The following SLC6A6 variants were observed in gnomAD, a reference collection of about 807,000 sequenced individuals.
The protein encoded by SLC6A6 is solute carrier family 6 member 6.
A neutral mutation model predicts 68.8 loss-of-function variants in SLC6A6; 16 were observed. That is an observed-to-expected ratio of 0.23 (90% confidence interval 0.16 to 0.35). The LOEUF is 0.35. SLC6A6 is among the 10% of genes least tolerant of loss of function. The pLI is 1.00. For synonymous variants in SLC6A6, 312 were observed against 315.4 expected, an observed-to-expected ratio of 0.99 and a Z score of 0.12; for missense variants, 474 against 802.8, an observed-to-expected ratio of 0.59 and a Z score of 4.95.
intron 2 of SLC6A6, 67 bp from the exon 3 acceptor site, chr3:14,443,557 G>A: frequency 8.9e-7 from 1 of 1,127,564 alleles, no homozygotes; most frequent in East Asian, 2.4e-5. Context: ...AGGAAGCAGA[G>A]ATTGTGTCTG....
chr3:14,421,557 A>G (rs1699485923), intron 2 of SLC6A6, among the ~76,000 whole-genome samples: 2 of 152,202 alleles, frequency 1.3e-5, no homozygotes, highest in South Asian at 4.1e-4. Flanking sequence ...TCTTCAATAA[A>G]TGAAGTTAAC....
chr3:14,446,284 T>A (rs1028412219), intron 4 of SLC6A6, among the ~76,000 whole-genome samples: 12 of 152,118 alleles, frequency 7.9e-5, no homozygotes, highest in Admixed American at 7.9e-4. Context: ...CAGCTGAAGG[T>A]CATTATCCTA....
intron 3 of SLC6A6, 66 bp downstream of exon 3, chr3:14,443,929 G>A: frequency 8.5e-7 from 1 of 1,178,498 alleles, no homozygotes; most frequent in Non-Finnish European, 1.3e-6. Flanking sequence ...TGGAGGCTGG[G>A]ACCAGAGCGT....
chr3:14,402,617 GCT>G lies in SLC6A6; in HGVS notation c.-282_-281del. On this transcript the variant is annotated 5_prime_UTR_variant, in exon 1 of 15. Transcript: ENST00000622186. The surrounding 1 kb of genome is among the most constrained non-coding windows in gnomAD (Gnocchi z 4.8). ...GGATGGGTGATGCTGAGAGCTGCCT[GCT>G]CAGACAACAGACACGCGAGGTCAGG... is the stretch of plus-strand genomic sequence containing the variant. 1 of 397,898 alleles carries G rather than the reference GCT, an allele frequency of 2.5e-6. No homozygotes were observed. Among genetic ancestry groups the G allele is most frequent in the Non-Finnish European group, 4.4e-6 (1 of 225,622 alleles). 24.6% of individuals were successfully genotyped at this position (397,898 alleles called of 1,614,324 possible).
At chr3:14,474,417 C>G (rs1700826159) in intron 10 of SLC6A6, among the ~76,000 whole-genome samples, 1 of 152,162 alleles carries the variant, frequency 6.6e-6, no homozygotes, top group Non-Finnish European at 1.5e-5. Flanking sequence ...GTGCACAGTT[C>G]AGTGGCATTA....
chr3:14,479,140 C>T lies in SLC6A6; in HGVS notation c.1506C>T (p.Pro502=), dbSNP rs1700950687. The change falls in exon 13 of 15, where the codon CCC becomes CCT. Residue 502 remains proline, a synonymous_variant. Transcript: ENST00000622186. ...ACATGATTGGCTATCGGCCCGGGCC[C>T]TGGATGAAGTACAGCTGGGCTGTGA... ...IEDMIGYRPG[P]WMKYSWAVIT... 1 of 1,613,536 alleles carries T rather than the reference C, an allele frequency of 6.2e-7. No homozygotes were observed. The highest frequency in any genetic ancestry group is 1.3e-5 in the African/African-American group (1 of 74,882).
Position 14,479,066 on chromosome 3 carries a change from C to A in SLC6A6, c.1451-19C>A, listed in dbSNP as rs754661531. ...CCTTGAACGCTGTGTCAGAAAATGT[C>A]CCCCTCTGTCTCTTGCAGGAGGTGA... On this transcript the variant is annotated intron_variant, in intron 12 of 14. Transcript: ENST00000622186. The A allele has an allele frequency of 2.6e-6, 4 of 1,538,632 alleles. No homozygotes were observed. Among genetic ancestry groups the A allele is most frequent in the Non-Finnish European group, 3.6e-6 (4 of 1,111,184 alleles).
intron 2 of SLC6A6, among the ~76,000 whole-genome samples, chr3:14,419,972 A>T (rs1350260236): frequency 6.6e-6 from 1 of 152,172 alleles, no homozygotes; most frequent in Non-Finnish European, 1.5e-5. Context: ...CACCCATTGT[A>T]AACTGGTGCA....
At chr3:14,419,682 G>T (rs1235749285) in intron 2 of SLC6A6, among the ~76,000 whole-genome samples, 5 of 152,120 alleles carry the variant, frequency 3.3e-5, no homozygotes, top group African/African-American at 1.2e-4. Flanking sequence ...ATTTTGGGGT[G>T]GGGGTGACCT....
intron 5 of SLC6A6, 41 bp from the exon 6 acceptor site, chr3:14,457,909 C>A (rs200030714): frequency 2.5e-5 from 41 of 1,610,394 alleles, no homozygotes; most frequent in Non-Finnish European, 3.4e-5. Flanking sequence ...TACTCCAGGG[C>A]CAGGCCCCTC....
chr3:14,419,060 C>G (rs1386175015), intron 2 of SLC6A6, among the ~76,000 whole-genome samples: 1 of 152,224 alleles, frequency 6.6e-6, no homozygotes, highest in Admixed American at 6.5e-5. Context: ...GTGCAAGGGG[C>G]CCTGCCTGGG....
At chr3:14,434,858 G>A (rs1699814952) in intron 2 of SLC6A6, among the ~76,000 whole-genome samples, 1 of 152,144 alleles carries the variant, frequency 6.6e-6, no homozygotes, top group South Asian at 2.1e-4. Context: ...CCAGACTGTG[G>A]TTCTCTGGGG....
chr3:14,475,055 G>A (rs764374992), intron 10 of SLC6A6, among the ~76,000 whole-genome samples: 4 of 152,214 alleles, frequency 2.6e-5, no homozygotes, highest in Non-Finnish European at 5.9e-5. Flanking sequence ...GTTTTGAGAT[G>A]GAGCCTTGCT....
chr3:14,449,913 A>T (rs915566839), intron 5 of SLC6A6, among the ~76,000 whole-genome samples: 1 of 151,938 alleles, frequency 6.6e-6, no homozygotes, highest in African/African-American at 2.4e-5. Context: ...CACTATGTCC[A>T]GCTAATTTTT....
intron 10 of SLC6A6, among the ~76,000 whole-genome samples, chr3:14,476,844 G>A (rs1700889345): frequency 6.6e-6 from 1 of 152,260 alleles, no homozygotes; most frequent in African/African-American, 2.4e-5. Flanking sequence ...CAGGACAGAG[G>A]GTCAGCATTG....
intron 1 of SLC6A6, among the ~76,000 whole-genome samples, chr3:14,406,798 G>A (rs1339498390): frequency 6.6e-6 from 1 of 152,210 alleles, no homozygotes; most frequent in Admixed American, 6.5e-5. Flanking sequence ...TAAAGCTCCA[G>A]CGTTGTGTGG....
chr3:14,471,108 CT>C lies in SLC6A6; in HGVS notation c.1097-1092del, dbSNP rs1233318439. On this transcript the variant is annotated intron_variant, in intron 9 of 14. Coordinates refer to ENST00000622186, the MANE Select transcript of SLC6A6 (RefSeq NM_003043.6). ...CTGCTGAACAGCTCCTGCTCTGGCC[CT>C]TTTTGTTTCCTGCTTCTTGACTTTT... 5.2e-5 allele frequency among the ~76,000 whole-genome samples: 6 copies of C among 116,066 alleles called. No homozygotes were observed. In the East Asian group the frequency reaches 1.5e-3, roughly 28 times the overall value. 76.1% of individuals were successfully genotyped at this position (116,066 alleles called of 152,430 possible).
In SLC6A6 at chr3:14,402,885, C is replaced by G. The variant is rs1420379451; in HGVS notation, c.-54+38C>G. ...CCGGGAGCTGGGCGCGCAGCCGGCG[C>G]TGCCCGCCGTCTGCAGCCCCTCCCC... On this transcript the variant is annotated intron_variant, in intron 1 of 14. Transcript: ENST00000622186. This position sits in a 1 kb window ranked among gnomAD's most constrained non-coding sequence, Gnocchi z 4.8. 13 of 391,106 alleles carry G rather than the reference C, an allele frequency of 3.3e-5. No homozygotes were observed. The highest frequency in any genetic ancestry group is 6.4e-4 in the Middle Eastern group (1 of 1,570). 24.2% of individuals were successfully genotyped at this position (391,106 alleles called of 1,614,324 possible).
Position 14,486,314 on chromosome 3 carries a change from T to G in SLC6A6, c.*1307T>G, listed in dbSNP as rs2125004404. The G allele has an allele frequency of 6.6e-6, 1 of 152,644 alleles. No individual in the cohort carries two copies. Among genetic ancestry groups the G allele is most frequent in the South Asian group, 2.1e-4 (1 of 4,816 alleles). 9.5% of individuals were successfully genotyped at this position (152,644 alleles called of 1,614,324 possible). ...CAGCTTTTGAGTCTGTATCCTCCAC[T>G]GGGGGAAGTGCTCCCAGTTCAGAAC... is the stretch of plus-strand genomic sequence containing the variant. On this transcript the variant is annotated 3_prime_UTR_variant, in exon 15 of 15. Coordinates refer to ENST00000622186, the MANE Select transcript of SLC6A6 (RefSeq NM_003043.6).
Sources: allele counts gnomAD v4.1 joint callset (sites outside exome capture counted in the v4.1 genomes callset), GRCh38; gene constraint gnomAD v4.1.1; non-coding constraint Gnocchi (gnomAD v3.1); transcripts MANE v1.5; gene names NCBI Gene and HGNC (gene_info 2026-07-23, HGNC 2026-07-21).